Variants in HS6ST3 observed in about 807,000 individuals in gnomAD.
HS6ST3 encodes heparan sulfate 6-O-sulfotransferase 3, also known as heparan-sulfate 6-O-sulfotransferase 3.
In HS6ST3, 12 loss-of-function variants were observed where a neutral mutation model predicts 36.7. The observed-to-expected ratio is 0.33, with a 90% CI of 0.21 to 0.53. HS6ST3 has a LOEUF of 0.53. Ranked by LOEUF, HS6ST3 falls within the 20% of genes least tolerant of loss-of-function variation. HS6ST3 has a pLI of 0.95. For missense variants in HS6ST3, 584 were observed against 640.9 expected (o/e 0.91, Z 0.96); for synonymous variants, 240 against 257.5 (o/e 0.93, Z 0.65).
intron 1 of HS6ST3, among the ~76,000 whole-genome samples, chr13:96,564,512 C>T (rs1247984069): frequency 2.6e-5 from 4 of 152,208 alleles, no homozygotes; most frequent in Admixed American, 1.3e-4. Flanking sequence ...TGAAGAAATT[C>T]CCTATTTGAC....
intron 1 of HS6ST3, among the ~76,000 whole-genome samples, chr13:96,754,315 T>C (rs1876772258): frequency 6.6e-6 from 1 of 152,232 alleles, no homozygotes; most frequent in Non-Finnish European, 1.5e-5. Flanking sequence ...AAAGATATCT[T>C]CTACCAAATC....
At chr13:96,461,194 A>C (rs1399220797) in intron 1 of HS6ST3, among the ~76,000 whole-genome samples, 1 of 152,286 alleles carries the variant, frequency 6.6e-6, no homozygotes. Flanking sequence ...TTATCTGTGT[A>C]TTTATTTACT....
chr13:96,814,993 G>A (rs552332155), intron 1 of HS6ST3, among the ~76,000 whole-genome samples: 2 of 152,080 alleles, frequency 1.3e-5, no homozygotes, highest in African/African-American at 2.4e-5. Context: ...AGCTAGTGCC[G>A]GTCCCTTCTT....
chr13:96,795,367 C>A (rs866590919), intron 1 of HS6ST3, among the ~76,000 whole-genome samples: 1 of 151,910 alleles, frequency 6.6e-6, no homozygotes, highest in Non-Finnish European at 1.5e-5. Context: ...TTATTAATTT[C>A]TCTGACAAGT....
intron 1 of HS6ST3, among the ~76,000 whole-genome samples, chr13:96,709,324 A>G (rs752429996): frequency 2.6e-5 from 4 of 152,186 alleles, no homozygotes; most frequent in Non-Finnish European, 5.9e-5. Context: ...TCTTTATAGC[A>G]GTGTCAAAGC....
intron 1 of HS6ST3, among the ~76,000 whole-genome samples, chr13:96,531,901 G>A (rs2056137091): frequency 6.6e-6 from 1 of 152,202 alleles, no homozygotes; most frequent in Non-Finnish European, 1.5e-5. Flanking sequence ...TCTGATATCA[G>A]TTTTATCACA....
At chr13:96,241,629 C>T (rs1166712710) in intron 1 of HS6ST3, among the ~76,000 whole-genome samples, 16 of 139,886 alleles carry the variant, frequency 1.1e-4, no homozygotes, top group Non-Finnish European at 2.5e-4. Flanking sequence ...AATTTACCAA[C>T]TTTTTTTTTT....
intron 1 of HS6ST3, among the ~76,000 whole-genome samples, chr13:96,550,070 G>A (rs2056213762): frequency 6.6e-6 from 1 of 152,138 alleles, no homozygotes; most frequent in Non-Finnish European, 1.5e-5. Context: ...TCTCATAGTA[G>A]CGATTCAATG....
chr13:96,627,482 T>C (rs2138998757), intron 1 of HS6ST3, among the ~76,000 whole-genome samples: 1 of 152,130 alleles, frequency 6.6e-6, no homozygotes, highest in South Asian at 2.1e-4. Context: ...AGCCTATTAT[T>C]TTATTATCTC....
At chr13:96,654,684 A>G (rs1397085960) in intron 1 of HS6ST3, among the ~76,000 whole-genome samples, 1 of 151,980 alleles carries the variant, frequency 6.6e-6, no homozygotes, top group Non-Finnish European at 1.5e-5. Context: ...CTTGTCTTCC[A>G]TTCTGTGCCA....
At chr13:96,105,092 A>G (rs2139296990) in intron 1 of HS6ST3, among the ~76,000 whole-genome samples, 1 of 151,890 alleles carries the variant, frequency 6.6e-6, no homozygotes, top group East Asian at 1.9e-4. Flanking sequence ...AAAAAGAAAG[A>G]AGAAAAGTGC....
intron 1 of HS6ST3, among the ~76,000 whole-genome samples, chr13:96,139,922 G>T (rs944562684): frequency 1.3e-5 from 2 of 152,070 alleles, no homozygotes; most frequent in African/African-American, 2.4e-5. Context: ...AACAACATGG[G>T]TTTGAACTGC....
rs545798680 is a variant in HS6ST3, at chr13:96,212,031, C to A, written c.707+120462C>A. ...TCTAACCAGAGTCAATTTAGGTATG[C>A]CCCACTAACTTAAACACTTACATCA... On this transcript the variant is annotated intron_variant, in intron 1 of 1. Transcript: ENST00000376705. 1.3e-4 allele frequency among the ~76,000 whole-genome samples: 20 copies of A among 152,286 alleles called. 1 individual carries two copies. In the East Asian group the frequency reaches 3.9e-3, roughly 29 times the overall value.
chr13:96,192,312 A>C (rs570316265), intron 1 of HS6ST3, among the ~76,000 whole-genome samples: 1 of 152,160 alleles, frequency 6.6e-6, no homozygotes, highest in African/African-American at 2.4e-5. Context: ...TTTATTTTAG[A>C]TTCAATGGGT....
intron 1 of HS6ST3, among the ~76,000 whole-genome samples, chr13:96,523,641 C>T (rs989350679): frequency 6.6e-6 from 1 of 151,996 alleles, no homozygotes; most frequent in African/African-American, 2.4e-5. Context: ...GATACCCTTT[C>T]TTCCACTTGA....
intron 1 of HS6ST3, among the ~76,000 whole-genome samples, chr13:96,329,813 G>C (rs1678875160): frequency 8.3e-6 from 1 of 119,780 alleles, no homozygotes; most frequent in East Asian, 2.5e-4. Context: ...ATGTGTGGGA[G>C]TCTAAGTCTC....
At chr13:96,779,385 A>T (rs2138512909) in intron 1 of HS6ST3, among the ~76,000 whole-genome samples, 1 of 152,086 alleles carries the variant, frequency 6.6e-6, no homozygotes, top group African/African-American at 2.4e-5. Context: ...TTTTTTCCAT[A>T]GGAATTTGTC....
chr13:96,171,288 T>G (rs2054186523), intron 1 of HS6ST3, among the ~76,000 whole-genome samples: 1 of 152,178 alleles, frequency 6.6e-6, no homozygotes, highest in African/African-American at 2.4e-5. Context: ...TCCTCGACCC[T>G]TTCTCACCCC....
intron 1 of HS6ST3, among the ~76,000 whole-genome samples, chr13:96,532,184 T>C (rs893158377): frequency 2.0e-5 from 3 of 152,178 alleles, no homozygotes; most frequent in Non-Finnish European, 1.5e-5. Context: ...CTGAGTCCCC[T>C]ATACTTCTGA....
Sources: gnomAD v4.1 joint callset for allele counts (sites outside exome capture counted in the v4.1 genomes callset) on GRCh38, gnomAD v4.1.1 for gene constraint, MANE v1.5 for transcripts, NCBI Gene and HGNC (gene_info 2026-07-23, HGNC 2026-07-21) for gene names.